Variants in LCLAT1 observed in about 807,000 individuals in gnomAD.
LCLAT1 encodes lysocardiolipin acyltransferase 1, also known as 1-AGP acyltransferase 8.
A neutral mutation model predicts 30.7 loss-of-function variants in LCLAT1; 11 were observed. The ratio of observed to expected loss-of-function variants is 0.36; its 90% CI spans 0.23 to 0.59. The LOEUF is 0.59. Among genes scored for constraint, LCLAT1 ranks in the 20% least tolerant of loss-of-function variants. The probability of loss-of-function intolerance (pLI) is 0.77; values close to 1 mark genes in which losing one functional copy is unlikely to be tolerated. For missense variants in LCLAT1, 402 were observed against 458.6 expected (o/e 0.88, Z 1.13); for synonymous variants, 155 against 151.3 (o/e 1.02, Z -0.18).
chr2:30,502,945 C>A (rs1429922099), intron 1 of LCLAT1, among the ~76,000 whole-genome samples: 1 of 152,202 alleles, frequency 6.6e-6, no homozygotes, highest in Non-Finnish European at 1.5e-5. Context: ...CTGTTCCTTG[C>A]AGAACAGGGC....
intron 1 of LCLAT1, among the ~76,000 whole-genome samples, chr2:30,482,419 A>G (rs1683363817): frequency 6.6e-6 from 1 of 152,244 alleles, no homozygotes; most frequent in African/African-American, 2.4e-5. Flanking sequence ...TTATTTGAAT[A>G]TTTTAAAAAA....
chr2:30,493,548 A>C (rs1382217343), intron 1 of LCLAT1, among the ~76,000 whole-genome samples: 8 of 152,140 alleles, frequency 5.3e-5, no homozygotes, highest in African/African-American at 1.9e-4. Context: ...TTTTTAACTG[A>C]CTTTTTTTCT....
At chr2:30,463,455 C>A (rs928680127) in intron 1 of LCLAT1, among the ~76,000 whole-genome samples, 3 of 152,108 alleles carry the variant, frequency 2.0e-5, no homozygotes, top group African/African-American at 7.2e-5. Context: ...GTCATGTCTA[C>A]CTTTCTGAAT....
intron 3 of LCLAT1, among the ~76,000 whole-genome samples, chr2:30,548,418 A>G (rs1664524973): frequency 6.6e-6 from 1 of 152,206 alleles, no homozygotes; most frequent in Non-Finnish European, 1.5e-5. Context: ...GAAAGGTGGG[A>G]CAACTTAAAG....
At chr2:30,503,112 G>A (rs1020609285) in intron 1 of LCLAT1, among the ~76,000 whole-genome samples, 1 of 152,238 alleles carries the variant, frequency 6.6e-6, no homozygotes, top group Non-Finnish European at 1.5e-5. Context: ...CCTTGCCAAG[G>A]AAGGGGTTGG....
intron 5 of LCLAT1, among the ~76,000 whole-genome samples, chr2:30,570,515 A>T (rs533396602): frequency 1.2e-4 from 18 of 152,224 alleles, no homozygotes; most frequent in African/African-American, 4.3e-4. Flanking sequence ...ATAAATATTT[A>T]TCTCATTGTG....
intron 1 of LCLAT1, among the ~76,000 whole-genome samples, chr2:30,486,754 T>A (rs1044204140): frequency 6.6e-6 from 1 of 152,190 alleles, no homozygotes; most frequent in African/African-American, 2.4e-5. Context: ...CCTTTCTTGC[T>A]GGTTGGATGT....
intron 3 of LCLAT1, 127 bp from the exon 4 acceptor site, chr2:30,562,019 A>G (rs777896228): frequency 2.1e-5 from 11 of 534,132 alleles, no homozygotes; most frequent in Non-Finnish European, 3.4e-5. Context: ...AATTTATGCT[A>G]TATCATGAAA....
Position 30,533,254 on chromosome 2 carries a change from A to G in LCLAT1, c.304A>G (p.Ser102Gly). Residue 102 changes from serine (S) to glycine (G), a missense_variant, in exon 3 of 6, where the codon AGC becomes GGC. Transcript: ENST00000379509. Reference sequence around the variant, plus strand: ...CCTGTGGAATTGCCTGATGCGATATAGCTACCTCAGATTGGAGAAAATTTG... The same window carrying G: ...CCTGTGGAATTGCCTGATGCGATATGGCTACCTCAGATTGGAGAAAATTTG... The part of the protein sequence containing the change: ...MFLWNCLMRY[S>G]YLRLEKICLK... 6.2e-7 allele frequency: 1 copy of G among 1,614,134 alleles called. No individual in the cohort carries two copies. Among genetic ancestry groups the G allele is most frequent in the Non-Finnish European group, 8.5e-7 (1 of 1,179,976 alleles).
intron 5 of LCLAT1, among the ~76,000 whole-genome samples, chr2:30,570,121 G>A (rs1431206172): frequency 1.3e-5 from 2 of 152,080 alleles, no homozygotes; most frequent in African/African-American, 2.4e-5. Context: ...TTTGAAATCT[G>A]GAAAATATTT....
Position 30,603,094 on chromosome 2 carries a change from AATAAT to A in LCLAT1, c.628+34922_628+34926del, listed in dbSNP as rs1354640571. ...CATTCTTATTGTGCTGCTTCAGTGA[AATAAT>A]ATATCTAAGAAATTTAGCATCAATA... On this transcript the variant is annotated intron_variant, in intron 5 of 5. Coordinates refer to ENST00000379509, the MANE Select transcript of LCLAT1 (RefSeq NM_001002257.3). 5.9e-5 allele frequency among the ~76,000 whole-genome samples: 9 copies of A among 152,310 alleles called. No homozygotes were observed. The East Asian group carries it at 1.7e-3, about 29-fold the overall frequency.
intron 3 of LCLAT1, among the ~76,000 whole-genome samples, chr2:30,541,701 C>T (rs74459627): frequency 0.013 from 1,963 of 152,244 alleles, 44 homozygotes; most frequent in African/African-American, 0.043. Flanking sequence ...TTTTAAATTG[C>T]ATACCGTCAT....
intron 3 of LCLAT1, among the ~76,000 whole-genome samples, chr2:30,537,587 A>G (rs929628302): frequency 5.9e-5 from 9 of 151,970 alleles, no homozygotes; most frequent in African/African-American, 2.2e-4. Context: ...ATATAAAGCA[A>G]ATACTGTTAG....
intron 1 of LCLAT1, among the ~76,000 whole-genome samples, chr2:30,490,035 C>G (rs1683763502): frequency 6.6e-6 from 1 of 152,128 alleles, no homozygotes; most frequent in Non-Finnish European, 1.5e-5. Context: ...ATTAACTCAT[C>G]TGATTTTCAC....
chr2:30,640,041 G>GC, intron 5 of LCLAT1, 76 bp from the exon 6 acceptor site: 2 of 1,219,012 alleles, frequency 1.6e-6, no homozygotes. Context: ...TTCTGGTGCT[G>GC]CCCTGCAGTG....
chr2:30,490,196 C>CT (rs1683771237), intron 1 of LCLAT1, among the ~76,000 whole-genome samples: 1 of 144,350 alleles, frequency 6.9e-6, no homozygotes, highest in Non-Finnish European at 1.5e-5. Context: ...AGGGGCTACT[C>CT]TGATTTTTTT....
chr2:30,577,345 T>C (rs184894613), intron 5 of LCLAT1, among the ~76,000 whole-genome samples: 14 of 152,178 alleles, frequency 9.2e-5, no homozygotes, highest in African/African-American at 3.4e-4. Flanking sequence ...GAGTAAAGCT[T>C]AAGTGTTCTC....
chr2:30,562,941 G>T (rs780748704), intron 4 of LCLAT1, among the ~76,000 whole-genome samples: 4 of 152,144 alleles, frequency 2.6e-5, no homozygotes, highest in Non-Finnish European at 5.9e-5. Context: ...CCCTATCCTT[G>T]CTACAAGCAG....
intron 1 of LCLAT1, among the ~76,000 whole-genome samples, chr2:30,508,749 G>T (rs1284843693): frequency 1.3e-5 from 2 of 151,922 alleles, no homozygotes; most frequent in African/African-American, 4.8e-5. Context: ...AGCTCTTTGG[G>T]CTCTTTTTTG....
Sources: allele counts gnomAD v4.1 joint callset (sites outside exome capture counted in the v4.1 genomes callset), GRCh38; gene constraint gnomAD v4.1.1; transcripts MANE v1.5; gene names NCBI Gene and HGNC (gene_info 2026-07-23, HGNC 2026-07-21).